The following CDH9 variants were observed in gnomAD, a reference collection of about 807,000 sequenced individuals.
The protein encoded by CDH9 is cadherin-9.
CDH9 carries 28 observed loss-of-function variants against 70.9 expected under a neutral mutation model. That is an observed-to-expected ratio of 0.40 (90% CI 0.29 to 0.54). The LOEUF is 0.54. CDH9 is among the 20% of genes least tolerant of loss of function. CDH9 has a pLI of 0.59. For missense variants in CDH9, 874 were observed against 984.4 expected (o/e 0.89, Z 1.50); for synonymous variants, 409 against 343.1 (o/e 1.19, Z -2.12).
intron 2 of CDH9, among the ~76,000 whole-genome samples, chr5:26,936,565 A>T (rs1043775780): frequency 6.6e-6 from 1 of 152,164 alleles, no homozygotes; most frequent in Non-Finnish European, 1.5e-5. Context: ...TTCCATGAAA[A>T]GGTAAAAAAT....
intron 7 of CDH9, among the ~76,000 whole-genome samples, chr5:26,890,992 G>T (rs919389876): frequency 1.3e-5 from 2 of 152,138 alleles, no homozygotes; most frequent in Non-Finnish European, 2.9e-5. Flanking sequence ...AGTGAATATC[G>T]AGAAGGCTAT....
intron 2 of CDH9, among the ~76,000 whole-genome samples, chr5:26,929,877 G>T (rs2112022469): frequency 6.6e-6 from 1 of 151,960 alleles, no homozygotes; most frequent in African/African-American, 2.4e-5. Flanking sequence ...GAAGGGGAGT[G>T]GTTAATGGGT....
At chr5:26,957,467 GC>G (rs1436189227) in intron 2 of CDH9, among the ~76,000 whole-genome samples, 1 of 151,978 alleles carries the variant, frequency 6.6e-6, no homozygotes, top group Non-Finnish European at 1.5e-5. Flanking sequence ...TTCCAGACAA[GC>G]CTGGCCAACA....
chr5:26,925,018 G>C (rs919180588), intron 2 of CDH9, among the ~76,000 whole-genome samples: 1 of 152,096 alleles, frequency 6.6e-6, no homozygotes, highest in Non-Finnish European at 1.5e-5. Context: ...ACATACGTGT[G>C]CATGTGTCTT....
chr5:26,997,761 G>A (rs1439667527), intron 1 of CDH9, among the ~76,000 whole-genome samples: 1 of 151,458 alleles, frequency 6.6e-6, no homozygotes, highest in African/African-American at 2.4e-5. Flanking sequence ...GTGCAGTGGT[G>A]TGATCTCGGC....
At chr5:27,030,356 T>A (rs866878131) in intron 1 of CDH9, among the ~76,000 whole-genome samples, 4 of 151,824 alleles carry the variant, frequency 2.6e-5, no homozygotes, top group African/African-American at 9.7e-5. Flanking sequence ...CACTTTTTTT[T>A]TAGCAATTAA....
chr5:26,906,619 T>C, intron 4 of CDH9, 100 bp downstream of exon 4: 1 of 1,427,686 alleles, frequency 7.0e-7, no homozygotes, highest in Non-Finnish European at 9.3e-7. Context: ...AACATGAAAC[T>C]GAAAGAATAA....
At chr5:26,920,886 A>T (rs759800534) in intron 2 of CDH9, among the ~76,000 whole-genome samples, 1 of 152,202 alleles carries the variant, frequency 6.6e-6, no homozygotes, top group Non-Finnish European at 1.5e-5. Flanking sequence ...CGCCTTCCCA[A>T]GAAGGACGAG....
chr5:26,980,498 T>C (rs1206872494), intron 2 of CDH9, among the ~76,000 whole-genome samples: 1 of 151,958 alleles, frequency 6.6e-6, no homozygotes, highest in Admixed American at 6.6e-5. Context: ...AATATTTCCC[T>C]GGCATTTTTT....
intron 1 of CDH9, among the ~76,000 whole-genome samples, chr5:27,005,344 C>T (rs1398643949): frequency 6.6e-6 from 1 of 151,722 alleles, no homozygotes; most frequent in Non-Finnish European, 1.5e-5. Context: ...AAAGAAACTG[C>T]AATGCAAGCA....
chr5:26,955,604 C>G (rs6878283), intron 2 of CDH9, among the ~76,000 whole-genome samples: 16,667 of 112,252 alleles, frequency 0.15, 998 homozygotes, highest in Middle Eastern at 0.25. Flanking sequence ...CTCTCTCTCT[C>G]TGTGTGTGTT....
chr5:26,909,109 G>A (rs534165725), intron 3 of CDH9, among the ~76,000 whole-genome samples: 13 of 151,948 alleles, frequency 8.6e-5, no homozygotes, highest in Non-Finnish European at 1.5e-4. Flanking sequence ...TCAGCCTCCC[G>A]AGTAGCTGGG....
chr5:26,926,922 C>CA (rs371626931), intron 2 of CDH9, among the ~76,000 whole-genome samples: 1 of 118,362 alleles, frequency 8.4e-6, no homozygotes, highest in Non-Finnish European at 1.7e-5. Flanking sequence ...ATACAGCCCC[C>CA]CCCCGCAAAA....
At chr5:26,987,422 C>T (rs999974427) in intron 2 of CDH9, among the ~76,000 whole-genome samples, 1 of 151,572 alleles carries the variant, frequency 6.6e-6, no homozygotes, top group Non-Finnish European at 1.5e-5. Flanking sequence ...GGAAAGGTCA[C>T]GCCACTAAAG....
intron 9 of CDH9, 22 bp downstream of exon 9, chr5:26,889,814 A>G: frequency 4.1e-6 from 6 of 1,449,090 alleles, no homozygotes; most frequent in East Asian, 2.3e-5. Flanking sequence ...TATTCTTTTA[A>G]GTTTTTAATG....
chr5:27,034,461 A>G (rs556211862), intron 1 of CDH9, among the ~76,000 whole-genome samples: 11 of 151,830 alleles, frequency 7.2e-5, no homozygotes, highest in Non-Finnish European at 1.2e-4. Context: ...TTGCTAAATT[A>G]ATAGGATAGA....
chr5:26,926,640 A>T (rs1741345078), intron 2 of CDH9, among the ~76,000 whole-genome samples: 1 of 152,122 alleles, frequency 6.6e-6, no homozygotes, highest in East Asian at 1.9e-4. Context: ...TAGCCAAGAC[A>T]ATCCTAAGAA....
At chr5:26,989,627 A>G (rs1742548061) in intron 1 of CDH9, among the ~76,000 whole-genome samples, 1 of 151,992 alleles carries the variant, frequency 6.6e-6, no homozygotes, top group African/African-American at 2.4e-5. Flanking sequence ...ATTCAGATAT[A>G]AAATCTTCAA....
intron 2 of CDH9, among the ~76,000 whole-genome samples, chr5:26,945,267 G>A (rs771620539): frequency 6.6e-6 from 1 of 151,014 alleles, no homozygotes; most frequent in Non-Finnish European, 1.5e-5. Flanking sequence ...ACTGAGAAAT[G>A]AACAGTCAAA....
Sources: allele counts gnomAD v4.1 joint callset (sites outside exome capture counted in the v4.1 genomes callset), GRCh38; gene constraint gnomAD v4.1.1; transcripts MANE v1.5; gene names NCBI Gene and HGNC (gene_info 2026-07-23, HGNC 2026-07-21).